The following CSE1L variants were observed in gnomAD, a reference collection of about 807,000 sequenced individuals.
CSE1L encodes the protein chromosome segregation 1 like.
CSE1L carries 24 observed loss-of-function variants against 120.4 expected under a neutral mutation model. The ratio of observed to expected loss-of-function variants is 0.20; its 90% CI spans 0.14 to 0.28. The LOEUF (loss-of-function observed/expected upper bound fraction) is 0.28, where lower values mean the gene tolerates loss of function less well. Among genes scored for constraint, CSE1L ranks in the 10% least tolerant of loss-of-function variants. CSE1L has a pLI of 1.00. For synonymous variants in CSE1L, 402 were observed against 398.3 expected, an observed-to-expected ratio of 1.01 and a Z score of -0.11; for missense variants, 830 against 1,145.2, an observed-to-expected ratio of 0.72 and a Z score of 3.97.
At chr20:49,059,056 C>T (rs1010074525) in intron 2 of CSE1L, among the ~76,000 whole-genome samples, 2 of 150,824 alleles carry the variant, frequency 1.3e-5, no homozygotes, top group Non-Finnish European at 1.5e-5. Flanking sequence ...GCGTGAACCC[C>T]GGAGGCAGAG....
intron 2 of CSE1L, among the ~76,000 whole-genome samples, chr20:49,062,430 C>T (rs1173095810): frequency 2.6e-5 from 4 of 152,158 alleles, no homozygotes; most frequent in Non-Finnish European, 4.4e-5. Context: ...TACTGTACTG[C>T]CATCACATGT....
Position 49,053,147 on chromosome 20 carries a change from C to CTTT in CSE1L, c.-11-5284_-11-5282dup, listed in dbSNP as rs71184250. On this transcript the variant is annotated intron_variant, in intron 1 of 24. Coordinates refer to ENST00000262982, the MANE Select transcript of CSE1L (RefSeq NM_001316.4). ...CAATACAGTGAGACCCCCTGTCTCT[C>CTTT]TTTTTTTTTTTTTTTTTTTTTTTTA... Among the ~76,000 whole-genome samples the CTTT allele has an allele frequency of 6.9e-4, 85 of 122,674 alleles. 1 individual carries two copies. The South Asian group carries it at 0.012, about 17-fold the overall frequency. 80.5% of individuals were successfully genotyped at this position (122,674 alleles called of 152,430 possible). A position where few individuals can be genotyped will look rare whatever the true frequency, so the allele number is the denominator to read the frequency against.
At position 49,052,975 on chromosome 20, in the gene CSE1L, G is replaced by T. The variant is rs566816609; in HGVS notation, c.-11-5478G>T. Among the ~76,000 whole-genome samples the T allele has an allele frequency of 3.9e-5, 6 of 152,236 alleles. No individual in the cohort carries two copies. In the South Asian group the frequency reaches 1.2e-3, roughly 32 times the overall value. On this transcript the variant is annotated intron_variant, in intron 1 of 24. Transcript: ENST00000262982. The stretch of plus-strand genomic sequence containing the variant: ...ACAAATGCTAGAGAAACATAATGAA[G>T]AAAGTGAAATGCAGATTTATTAAGA...
intron 14 of CSE1L, among the ~76,000 whole-genome samples, chr20:49,080,520 C>T (rs1459761503): frequency 6.6e-6 from 1 of 152,082 alleles, no homozygotes; most frequent in Non-Finnish European, 1.5e-5. Context: ...GTTTCGCTCT[C>T]GTTGCCCAGG....
chr20:49,094,369 G>A (rs978965257), intron 23 of CSE1L, 83 bp downstream of exon 23: 2 of 1,324,840 alleles, frequency 1.5e-6, no homozygotes, highest in Admixed American at 4.2e-5. Context: ...ATTCTCTTGG[G>A]GGCCAAGAGA....
rs754131285 is a variant in CSE1L at position 49,078,633 on chromosome 20, TTTTA to T, written c.1482+15_1482+18del. On this transcript the variant is annotated intron_variant, in intron 14 of 24. Coordinates refer to ENST00000262982, the MANE Select transcript of CSE1L (RefSeq NM_001316.4). ...ATTTTTAGAAATCAAGTAAGTAGCT[TTTTA>T]TTTGTTACACGCCACTTAATCTCTT... is the stretch of plus-strand genomic sequence containing the variant. The T allele has an allele frequency of 1.2e-4, 182 of 1,528,560 alleles. No homozygotes were observed. The highest frequency in any genetic ancestry group is 2.7e-4 in the Admixed American group (14 of 51,304). 94.7% of individuals were successfully genotyped at this position (1,528,560 alleles called of 1,614,324 possible).
At chr20:49,093,840 C>T (rs2092119880) in intron 22 of CSE1L, among the ~76,000 whole-genome samples, 1 of 151,696 alleles carries the variant, frequency 6.6e-6, no homozygotes, top group Admixed American at 6.6e-5. Context: ...TTGCTTGAAC[C>T]CAGGAGGTGG....
rs183859285 is a variant in CSE1L, at chr20:49,082,828, T to C, written c.1483-1198T>C. ...GAGCCACCGTGCCTGGCCTTTTCTG[T>C]TTTATTTTGAGAATGAGGTCTTGCT... is the stretch of plus-strand genomic sequence containing the variant. On this transcript the variant is annotated intron_variant, in intron 14 of 24. Coordinates refer to ENST00000262982, the MANE Select transcript of CSE1L (RefSeq NM_001316.4). 3.0e-4 allele frequency among the ~76,000 whole-genome samples: 45 copies of C among 151,570 alleles called. No homozygotes were observed. In the East Asian group the frequency reaches 8.1e-3, roughly 27 times the overall value.
chr20:49,068,394 A>G (rs969692338), intron 6 of CSE1L, among the ~76,000 whole-genome samples: 2 of 152,010 alleles, frequency 1.3e-5, no homozygotes, highest in Non-Finnish European at 2.9e-5. Flanking sequence ...CGAGACCACC[A>G]TGGCTAACGT....
At chr20:49,070,051 G>T (rs371485970) in intron 7 of CSE1L, among the ~76,000 whole-genome samples, 154 bp from the exon 8 acceptor site, 1 of 152,256 alleles carries the variant, frequency 6.6e-6, no homozygotes, top group East Asian at 1.9e-4. Flanking sequence ...GCAGCTGCCA[G>T]ATGTAGCTGG....
chr20:49,065,312 AAT>A (rs1491340383), intron 3 of CSE1L, among the ~76,000 whole-genome samples: 1,096 of 79,266 alleles, frequency 0.014, 48 homozygotes, highest in East Asian at 0.033. Flanking sequence ...ATGAAAAAAA[AAT>A]TTTTTTTTTT....
intron 8 of CSE1L, among the ~76,000 whole-genome samples, chr20:49,070,573 A>G (rs2091924685): frequency 6.6e-6 from 1 of 152,200 alleles, no homozygotes; most frequent in African/African-American, 2.4e-5. Flanking sequence ...TATTTCATGA[A>G]ATAAAATTAT....
intron 16 of CSE1L, among the ~76,000 whole-genome samples, chr20:49,086,781 T>G (rs1318202486): frequency 6.6e-6 from 1 of 152,214 alleles, no homozygotes; most frequent in Non-Finnish European, 1.5e-5. Context: ...TATGAGTGAA[T>G]GAAATAATTC....
At chr20:49,085,543 T>C (rs1182125156) in intron 16 of CSE1L, among the ~76,000 whole-genome samples, 157 bp downstream of exon 16, 1 of 150,926 alleles carries the variant, frequency 6.6e-6, no homozygotes. Context: ...AAACATTATC[T>C]TGTTTACTAC....
rs11471947 is a variant in CSE1L, at chr20:49,085,562, A to ATTTTTTTTTTTTTTTTTTT, written c.1723+185_1723+203dup. Among the ~76,000 whole-genome samples, 2 of 80,250 alleles carry ATTTTTTTTTTTTTTTTTTT rather than the reference A, an allele frequency of 2.5e-5. 1 individual carries two copies. Among genetic ancestry groups the ATTTTTTTTTTTTTTTTTTT allele is most frequent in the African/African-American group, 8.7e-5 (2 of 22,972 alleles). The allele number at this position is 80,250 out of a possible 152,430, so 52.6% of individuals were successfully genotyped here. A position where few individuals can be genotyped will look rare whatever the true frequency, so the allele number is the denominator to read the frequency against. On this transcript the variant is annotated intron_variant, in intron 16 of 24. Transcript: ENST00000262982. ...ATTATCTTGTTTACTACTAACAATA[A>ATTTTTTTTTTTTTTTTTTT]TTTTTTTTTTTTTTTTTTTTTTTTT...
chr20:49,088,027 C>G lies in CSE1L; in HGVS notation c.1742C>G (p.Ser581Cys). The G allele has an allele frequency of 1.9e-6, 3 of 1,592,848 alleles. No individual in the cohort carries two copies. Among genetic ancestry groups the G allele is most frequent in the South Asian group, 2.2e-5 (2 of 89,560 alleles). ...TTTACAGCTATCATGAGAAGTTTTT[C>G]TCTCCTACAAGAAGCCATAATCCCC... ...YIMKAIMRSF[S>C]LLQEAIIPYI... The change falls in exon 17 of 25, where the codon TCT (serine) becomes TGT (cysteine). Residue 581 changes from serine (S) to cysteine (C), a missense_variant. This residue lies in a region of CSE1L where 168 missense variants were observed against 267.9 expected (regional missense o/e 0.63). Coordinates refer to ENST00000262982, the MANE Select transcript of CSE1L (RefSeq NM_001316.4).
intron 17 of CSE1L, 62 bp from the exon 18 acceptor site, chr20:49,089,183 ATG>A (rs2092082488): frequency 7.7e-7 from 1 of 1,298,958 alleles, no homozygotes; most frequent in Non-Finnish European, 1.0e-6. Context: ...TCTATTTTAA[ATG>A]TGTTTTATAA....
In CSE1L at chr20:49,096,501, C is replaced by A; in HGVS notation, c.*63C>A. On this transcript the variant is annotated 3_prime_UTR_variant, in exon 25 of 25. Coordinates refer to ENST00000262982, the MANE Select transcript of CSE1L (RefSeq NM_001316.4). ...CTAGGAAATCACAGGCTTCTGAGCA[C>A]AGCTGCATTAAAACAAAGGAAGTTC... 1.7e-6 allele frequency: 2 copies of A among 1,205,890 alleles called. No homozygotes were observed. Among genetic ancestry groups the A allele is most frequent in the Non-Finnish European group, 2.5e-6 (2 of 812,078 alleles). The allele number at this position is 1,205,890 out of a possible 1,614,324, so 74.7% of individuals were successfully genotyped here.
At chr20:49,058,332 A>T (rs1280809991) in intron 1 of CSE1L, 121 bp from the exon 2 acceptor site, 2 of 575,784 alleles carry the variant, frequency 3.5e-6, no homozygotes, top group African/African-American at 3.7e-5. Flanking sequence ...TACTGCCCAT[A>T]TAAAAAACAA....
Sources: gnomAD v4.1 joint callset for allele counts (sites outside exome capture counted in the v4.1 genomes callset) on GRCh38, gnomAD v4.1.1 for gene constraint, gnomAD v4.1.1 regional missense constraint, MANE v1.5 for transcripts, NCBI Gene and HGNC (gene_info 2026-07-23, HGNC 2026-07-21) for gene names.